The following PCDHGA12 variants were observed in gnomAD, a reference collection of about 807,000 sequenced individuals.
PCDHGA12 encodes protocadherin gamma-A12.
PCDHGA12 carries 43 observed loss-of-function variants against 61.1 expected under a neutral mutation model. The ratio of observed to expected loss-of-function variants is 0.70; its 90% CI spans 0.55 to 0.91. The LOEUF (loss-of-function observed/expected upper bound fraction) is 0.91, where lower values mean the gene tolerates loss of function less well. Ranked by LOEUF, PCDHGA12 falls within the 40% of genes least tolerant of loss-of-function variation. The pLI, the probability that PCDHGA12 is intolerant of heterozygous loss-of-function variation, is 0.00. For missense variants in PCDHGA12, 1,236 were observed against 1,227.7 expected (o/e 1.01, Z -0.10); for synonymous variants, 520 against 542.9 (o/e 0.96, Z 0.59).
intron 3 of PCDHGA12, among the ~76,000 whole-genome samples, chr5:141,509,807 C>T (rs369661041): frequency 2.0e-5 from 3 of 152,104 alleles, no homozygotes; most frequent in Non-Finnish European, 4.4e-5. Context: ...TTCATAGAGC[C>T]GAGCTCTTCT....
intron 3 of PCDHGA12, among the ~76,000 whole-genome samples, chr5:141,508,837 A>C (rs1596180024): frequency 6.7e-6 from 1 of 149,276 alleles, no homozygotes; most frequent in Non-Finnish European, 1.5e-5. Context: ...CCCCTCCCCT[A>C]CCCCTTCCAT....
chr5:141,511,411 A>T lies in PCDHGA12; in HGVS notation c.*238A>T. On this transcript the variant is annotated 3_prime_UTR_variant, in exon 4 of 4. Transcript: ENST00000252085. ...GAACCCCCATCCAATCAACTGCTGTACCCATGGGGGTAGTGGGGTTACTGT... is the reference window on the plus strand; with the variant it reads ...GAACCCCCATCCAATCAACTGCTGTTCCCATGGGGGTAGTGGGGTTACTGT... 1.1e-6 allele frequency: 1 copy of T among 901,334 alleles called. No individual in the cohort carries two copies. Among genetic ancestry groups the T allele is most frequent in the Non-Finnish European group, 1.6e-6 (1 of 617,750 alleles). 55.8% of individuals were successfully genotyped at this position (901,334 alleles called of 1,614,324 possible).
rs534816363 is a variant in PCDHGA12, at chr5:141,456,234, G to T, written c.2424+23051G>T. Among the ~76,000 whole-genome samples the T allele has an allele frequency of 2.2e-4, 33 of 152,224 alleles. 1 individual carries two copies. The South Asian group carries it at 6.9e-3, about 32-fold the overall frequency. On this transcript the variant is annotated intron_variant, in intron 1 of 3. Transcript: ENST00000252085. ...CTGTGGCGATATCAAACTAACTGCT[G>T]TTAGGAGGCTTTGGGCGACCATTGC...
intron 2 of PCDHGA12, among the ~76,000 whole-genome samples, chr5:141,502,239 A>G (rs2099813426): frequency 6.6e-6 from 1 of 152,148 alleles, no homozygotes; most frequent in Admixed American, 6.5e-5. Flanking sequence ...GTGTTCTTTT[A>G]TCCTTTTTTT....
chr5:141,465,865 G>A (rs374058078), intron 1 of PCDHGA12, among the ~76,000 whole-genome samples: 7 of 151,900 alleles, frequency 4.6e-5, no homozygotes, highest in African/African-American at 1.7e-4. Flanking sequence ...GCTCATGCCT[G>A]TAATCCCAGC....
chr5:141,464,290 A>AC (rs1287070540), intron 1 of PCDHGA12, among the ~76,000 whole-genome samples: 1 of 149,916 alleles, frequency 6.7e-6, no homozygotes, highest in Non-Finnish European at 1.5e-5. Context: ...AAAAAAAAAA[A>AC]CTCCATTGTA....
chr5:141,472,673 C>T (rs2099292538), intron 1 of PCDHGA12, among the ~76,000 whole-genome samples: 3 of 151,340 alleles, frequency 2.0e-5, no homozygotes, highest in Admixed American at 2.0e-4. Context: ...GTATACTGGT[C>T]CTTCCATTTC....
In PCDHGA12 at chr5:141,431,841, C is replaced by T; in HGVS notation, c.1082C>T (p.Pro361Leu). The T allele has an allele frequency of 6.2e-7, 1 of 1,614,246 alleles. No homozygotes were observed. Among genetic ancestry groups the T allele is most frequent in the Non-Finnish European group, 8.5e-7 (1 of 1,180,044 alleles). ...SLASSVPENS[P>L]RGTLIALLNV... ...GCCAGCTCGGTTCCCGAAAACTCTC[C>T]CAGAGGGACATTAATTGCCCTTTTA... Residue 361 changes from proline to leucine, a missense_variant, in exon 1 of 4, where the codon CCC (proline) becomes CTC (leucine). Coordinates refer to ENST00000252085, the MANE Select transcript of PCDHGA12 (RefSeq NM_003735.3). The surrounding 1 kb of genome is among the most constrained non-coding windows in gnomAD (Gnocchi z 4.8).
intron 3 of PCDHGA12, among the ~76,000 whole-genome samples, chr5:141,508,986 G>C (rs1298630784): frequency 2.0e-5 from 3 of 152,148 alleles, no homozygotes; most frequent in Non-Finnish European, 4.4e-5. Context: ...GTGGGGGCCA[G>C]CTGGGGTAGG....
At chr5:141,482,048 G>T (rs375214441) in intron 1 of PCDHGA12, among the ~76,000 whole-genome samples, 12 of 150,156 alleles carry the variant, frequency 8.0e-5, no homozygotes, top group Middle Eastern at 6.9e-3. Flanking sequence ...TCATGCTGTT[G>T]CATTCCAGCC....
At chr5:141,457,230 A>G (rs1248092452) in intron 1 of PCDHGA12, among the ~76,000 whole-genome samples, 2 of 152,174 alleles carry the variant, frequency 1.3e-5, no homozygotes, top group African/African-American at 4.8e-5. Flanking sequence ...GGTAATTTCC[A>G]TCTAAAATTT....
chr5:141,471,208 C>G (rs559571022), intron 1 of PCDHGA12: 1 of 151,664 alleles, frequency 6.6e-6, no homozygotes, highest in Non-Finnish European at 1.5e-5. Context: ...CACCCCCATG[C>G]CTGGCAATTT....
chr5:141,436,406 G>T (rs1403133377), intron 1 of PCDHGA12, among the ~76,000 whole-genome samples: 3 of 152,308 alleles, frequency 2.0e-5, no homozygotes, highest in East Asian at 3.9e-4. Context: ...GTTGTTGAAT[G>T]AATGGATAAA....
intron 1 of PCDHGA12, among the ~76,000 whole-genome samples, chr5:141,457,124 ACT>A (rs1304231701): frequency 6.6e-6 from 1 of 152,158 alleles, no homozygotes; most frequent in Non-Finnish European, 1.5e-5. Context: ...AGCAATGGAA[ACT>A]CTGTCCAATA....
At position 141,485,541 on chromosome 5, in the gene PCDHGA12, T is replaced by A; in HGVS notation, c.2425-9266T>A. 2 of 1,613,902 alleles carry A rather than the reference T, an allele frequency of 1.2e-6. No homozygotes were observed. Among genetic ancestry groups the A allele is most frequent in the Non-Finnish European group, 1.7e-6 (2 of 1,179,958 alleles). ...GAAATGTACCGAGCAGAGGTAGAGATCGTAGATGTGAATGATCACGCCCCC... is the reference window on the plus strand; with the variant it reads ...GAAATGTACCGAGCAGAGGTAGAGAACGTAGATGTGAATGATCACGCCCCC... On this transcript the variant is annotated intron_variant, in intron 1 of 3. Coordinates refer to ENST00000252085, the MANE Select transcript of PCDHGA12 (RefSeq NM_003735.3). The surrounding 1 kb of genome is among the most constrained non-coding windows in gnomAD (Gnocchi z 5.7).
intron 1 of PCDHGA12, chr5:141,492,069 C>A (rs1595083522): frequency 2.1e-6 from 1 of 475,880 alleles, no homozygotes; most frequent in East Asian, 3.3e-5. Context: ...GCCTCCTAGG[C>A]GCCGGCTCCG....
Position 141,487,226 on chromosome 5 carries a change from G to A in PCDHGA12, c.2425-7581G>A. ...TCGAGAATCTTCAGCTCCAAGGGAA[G>A]GAGAATCTCGTCTAACCCTCTACTT... is the stretch of plus-strand genomic sequence containing the variant. On this transcript the variant is annotated intron_variant, in intron 1 of 3. Transcript: ENST00000252085. This position sits in a 1 kb window ranked among gnomAD's most constrained non-coding sequence, Gnocchi z 5.0. The A allele has an allele frequency of 6.2e-7, 1 of 1,614,104 alleles. No individual in the cohort carries two copies. Among genetic ancestry groups the A allele is most frequent in the South Asian group, 1.1e-5 (1 of 91,074 alleles).
intron 1 of PCDHGA12, among the ~76,000 whole-genome samples, chr5:141,452,542 C>T (rs2098743637): frequency 6.6e-6 from 1 of 152,180 alleles, no homozygotes; most frequent in Admixed American, 6.6e-5. Flanking sequence ...CATATTGATA[C>T]CTCCAGTTCT....
Position 141,506,991 on chromosome 5 carries a change from C to T in PCDHGA12, c.2572+1510C>T, listed in dbSNP as rs190455068. 3 of 152,366 alleles carry T rather than the reference C, an allele frequency of 2.0e-5. No homozygotes were observed. In the East Asian group the frequency reaches 5.8e-4, roughly 29 times the overall value. The allele number at this position is 152,366 out of a possible 1,614,324, so 9.4% of individuals were successfully genotyped here. A position where few individuals can be genotyped will look rare whatever the true frequency, so the allele number is the denominator to read the frequency against. The stretch of plus-strand genomic sequence containing the variant: ...TGCAAGGCAGGTCTGATTTCTCACA[C>T]TCGACAGATGAGAGAACCGAGAAGG... On this transcript the variant is annotated intron_variant, in intron 3 of 3. Coordinates refer to ENST00000252085, the MANE Select transcript of PCDHGA12 (RefSeq NM_003735.3).
Sources: gnomAD v4.1 joint callset for allele counts (sites outside exome capture counted in the v4.1 genomes callset) on GRCh38, gnomAD v4.1.1 for gene constraint, Gnocchi (gnomAD v3.1) non-coding constraint, MANE v1.5 for transcripts, NCBI Gene and HGNC (gene_info 2026-07-23, HGNC 2026-07-21) for gene names.